Variants in PCDHA2 observed in about 807,000 individuals in gnomAD.
PCDHA2 encodes protocadherin alpha 2, also known as protocadherin alpha-2.
PCDHA2 carries 58 observed loss-of-function variants against 66.0 expected under a neutral mutation model. The observed-to-expected ratio is 0.88, with a 90% CI of 0.71 to 1.09. The LOEUF (loss-of-function observed/expected upper bound fraction) is 1.09, where lower values mean the gene tolerates loss of function less well. Among genes scored for constraint, PCDHA2 ranks in the 50% least tolerant of loss-of-function variants. The pLI, the probability that PCDHA2 is intolerant of heterozygous loss-of-function variation, is 0.00. For synonymous variants in PCDHA2, 634 were observed against 554.0 expected, an observed-to-expected ratio of 1.14 and a Z score of -2.03; for missense variants, 1,267 against 1,242.3, an observed-to-expected ratio of 1.02 and a Z score of -0.30.
intron 1 of PCDHA2, chr5:140,814,827 C>A (rs2126659222): frequency 6.6e-6 from 1 of 152,166 alleles, no homozygotes; most frequent in Non-Finnish European, 1.5e-5. Context: ...CTATCTATTT[C>A]TCCATTTCTG....
At chr5:140,829,736 G>T (rs2150173634) in intron 1 of PCDHA2, 2 of 1,613,682 alleles carry the variant, frequency 1.2e-6, no homozygotes, top group South Asian at 1.1e-5. Flanking sequence ...GGGCAGCAAC[G>T]TGACGCTGCA....
chr5:140,987,805 C>T (rs2097269328), intron 3 of PCDHA2, among the ~76,000 whole-genome samples: 3 of 152,140 alleles, frequency 2.0e-5, no homozygotes. Flanking sequence ...TTTAAAGTGC[C>T]TGTCTCTTTG....
intron 1 of PCDHA2, chr5:140,858,429 C>G (rs1554151596): frequency 6.5e-7 from 1 of 1,548,730 alleles, no homozygotes; most frequent in African/African-American, 1.4e-5. Flanking sequence ...GGGGACCACT[C>G]TAGGAAGGTG....
Position 140,843,293 on chromosome 5 carries a change from G to C in PCDHA2, c.2388+45941G>C. ...CCTGGTGAAGGATCATGGTGAACCT[G>C]CGCTGACCGCCACGGCCACGGTTCT... On this transcript the variant is annotated intron_variant, in intron 1 of 3. Transcript: ENST00000526136. 17 of 1,595,972 alleles carry C rather than the reference G, an allele frequency of 1.1e-5. 4 individuals are homozygous for C. The highest frequency in any genetic ancestry group is 1.5e-5 in the Non-Finnish European group (17 of 1,165,570).
chr5:140,795,676 A>C lies in PCDHA2; in HGVS notation c.712A>C (p.Asn238His), dbSNP rs1554119530. ...TATTAAGGTATTAGATGTAAATGAC[A>C]ATGAACCAACTTTTGCCCAATCAGT... ...ILIKVLDVNDNEPTFAQSVYK... is the reference protein window; with the variant it reads ...ILIKVLDVNDHEPTFAQSVYK... Residue 238 changes from asparagine (N) to histidine (H), a missense_variant, in exon 1 of 4, where the codon AAT becomes CAT. Asn to His is a moderately conservative substitution (Grantham distance 68). Transcript: ENST00000526136. 1 of 1,614,032 alleles carries C rather than the reference A, an allele frequency of 6.2e-7. No homozygotes were observed. Among genetic ancestry groups the C allele is most frequent in the East Asian group, 2.2e-5 (1 of 44,898 alleles).
intron 1 of PCDHA2, chr5:140,884,453 G>A (rs2060182161): frequency 2.5e-6 from 4 of 1,613,658 alleles, no homozygotes; most frequent in Admixed American, 1.7e-5. Flanking sequence ...ACCGCCCACC[G>A]AGGGCGCGTG....
chr5:140,970,423 G>A (rs2096404787), intron 1 of PCDHA2, among the ~76,000 whole-genome samples: 1 of 151,762 alleles, frequency 6.6e-6, no homozygotes, highest in Admixed American at 6.6e-5. Context: ...AAGGTGTAGA[G>A]GCAGGTGTTA....
chr5:140,946,277 A>G (rs1055326524), intron 1 of PCDHA2, among the ~76,000 whole-genome samples: 5 of 152,186 alleles, frequency 3.3e-5, no homozygotes, highest in Admixed American at 1.3e-4. Context: ...TAAAACCCCA[A>G]TGAGATATCA....
At chr5:140,857,947 G>A in intron 1 of PCDHA2, 4 of 1,597,414 alleles carry the variant, frequency 2.5e-6, no homozygotes, top group Non-Finnish European at 2.6e-6. Context: ...TCAGTACGAC[G>A]CGCGCTCTGG....
intron 3 of PCDHA2, among the ~76,000 whole-genome samples, chr5:140,982,826 T>C (rs193172264): frequency 1.1e-3 from 157 of 141,010 alleles, no homozygotes; most frequent in African/African-American, 3.0e-3. Context: ...GTTTTTGGGG[T>C]TTGTTTGTTT....
chr5:140,883,881 G>A (rs782379771), intron 1 of PCDHA2: 13 of 1,613,320 alleles, frequency 8.1e-6, no homozygotes, highest in Non-Finnish European at 1.1e-5. Flanking sequence ...GTGAGCGCGC[G>A]CGACTCTGGC....
chr5:140,835,883 C>A, intron 1 of PCDHA2: 4 of 1,611,944 alleles, frequency 2.5e-6, no homozygotes, highest in Non-Finnish European at 3.4e-6. Flanking sequence ...TGCGGGTGGG[C>A]GAGCGCGCGC....
chr5:140,796,503 G>A lies in PCDHA2; in HGVS notation c.1539G>A (p.Glu513=), dbSNP rs1554119948. ...ALSSYVSVHA[E]SGKVYALQPL... is the part of the protein sequence containing the mutation. Reference sequence around the variant, plus strand: ...CGAGCTACGTTTCGGTGCACGCGGAGAGCGGCAAGGTGTACGCGCTGCAGC... The same window carrying A: ...CGAGCTACGTTTCGGTGCACGCGGAAAGCGGCAAGGTGTACGCGCTGCAGC... The change falls in exon 1 of 4, where the codon GAG becomes GAA. Residue 513 remains glutamate, a synonymous_variant. Transcript: ENST00000526136. 2 of 1,612,392 alleles carry A rather than the reference G, an allele frequency of 1.2e-6. No homozygotes were observed. Among genetic ancestry groups the A allele is most frequent in the East Asian group, 4.5e-5 (2 of 44,876 alleles).
chr5:140,869,469 G>T, intron 1 of PCDHA2: 1 of 1,614,210 alleles, frequency 6.2e-7, no homozygotes, highest in Non-Finnish European at 8.5e-7. Context: ...TGAACGTGGA[G>T]GTGAAGGACA....
At chr5:140,953,398 C>G (rs1247752047) in intron 1 of PCDHA2, among the ~76,000 whole-genome samples, 9 of 152,150 alleles carry the variant, frequency 5.9e-5, no homozygotes, top group Non-Finnish European at 7.3e-5. Flanking sequence ...GATTACAGTG[C>G]TGTTGCTCCT....
chr5:140,927,073 C>T (rs782173390), intron 1 of PCDHA2: 11 of 1,611,108 alleles, frequency 6.8e-6, no homozygotes, highest in Middle Eastern at 1.7e-4. Context: ...CCTTTCCAGC[C>T]ACCGCGAGCT....
rs369162861 is a variant in PCDHA2 at position 140,870,379 on chromosome 5, G to T, written c.2388+73027G>T. ...GTGGGCCTATGAACTGGTGGTGACT[G>T]CGCGGGATGGGGGTTCGCCTTCTCT... On this transcript the variant is annotated intron_variant, in intron 1 of 3. Coordinates refer to ENST00000526136, the MANE Select transcript of PCDHA2 (RefSeq NM_018905.3). The T allele has an allele frequency of 8.1e-6, 13 of 1,614,100 alleles. No homozygotes were observed. In the African/African-American group the frequency reaches 1.7e-4, roughly 22 times the overall value.
intron 1 of PCDHA2, among the ~76,000 whole-genome samples, chr5:140,840,453 A>C (rs1554137802): frequency 1.3e-5 from 2 of 152,010 alleles, no homozygotes; most frequent in African/African-American, 4.8e-5. Flanking sequence ...GAAACGTTAA[A>C]TAAAAAGTTG....
At chr5:140,890,136 T>C (rs1297709763) in intron 1 of PCDHA2, among the ~76,000 whole-genome samples, 4 of 152,148 alleles carry the variant, frequency 2.6e-5, no homozygotes, top group Non-Finnish European at 4.4e-5. Flanking sequence ...TAGCTTGAAA[T>C]TGGCCATGGT....
Sources: gnomAD v4.1 joint callset for allele counts (sites outside exome capture counted in the v4.1 genomes callset) on GRCh38, gnomAD v4.1.1 for gene constraint, MANE v1.5 for transcripts, NCBI Gene and HGNC (gene_info 2026-07-23, HGNC 2026-07-21) for gene names.